Variants in TMT1A observed in about 807,000 individuals in gnomAD.
The protein encoded by TMT1A is thiol methyltransferase 1A.
chr12:50,929,889 G>GT, the TMT1A span: 72,849 of 1,018,964 alleles, frequency 0.071, no homozygotes, highest in South Asian at 0.087. Context: ...TCCTTGAAAT[G>GT]TTTTTTTTTT....
At chr12:50,925,022 T>C in the TMT1A span, 1 of 1,610,880 alleles carries the variant, frequency 6.2e-7, no homozygotes, top group Non-Finnish European at 8.5e-7. Flanking sequence ...TTGATCTGTT[T>C]TTTTCCCTTC....
chr12:50,929,864 G>A, the TMT1A span: 2 of 1,517,022 alleles, frequency 1.3e-6, no homozygotes, highest in South Asian at 2.4e-5. Context: ...AATTAAAAAA[G>A]CAGAAATGAA....
At chr12:50,925,048 A>G in the TMT1A span, 5 of 1,613,820 alleles carry the variant, frequency 3.1e-6, no homozygotes, top group South Asian at 3.3e-5. Flanking sequence ...AATGGAGCTT[A>G]CCATCTTTAT....
chr12:50,928,986 C>G, the TMT1A span, among the ~76,000 whole-genome samples: 1 of 152,152 alleles, frequency 6.6e-6, no homozygotes, highest in African/African-American at 2.4e-5. Context: ...GCCTGTAATC[C>G]CAGCACTTTG....
the TMT1A span, chr12:50,925,092 C>T: frequency 5.0e-6 from 8 of 1,614,084 alleles, no homozygotes; most frequent in African/African-American, 6.7e-5. Flanking sequence ...TGACATTTCC[C>T]TTGTACCTGC....
At chr12:50,930,044 A>G in the TMT1A span, 30 of 1,614,136 alleles carry the variant, frequency 1.9e-5, 1 homozygote, top group Admixed American at 4.8e-4. Flanking sequence ...GAGAGCTGGA[A>G]GGCCCTGGAG....
chr12:50,928,947 T>TA, the TMT1A span, among the ~76,000 whole-genome samples: 95 of 151,756 alleles, frequency 6.3e-4, no homozygotes, highest in South Asian at 1.0e-3. Context: ...AGATTTTTTT[T>TA]AAAATCAGGG....
chr12:50,929,877 A>G, the TMT1A span: 1 of 1,547,510 alleles, frequency 6.5e-7, no homozygotes, highest in Admixed American at 2.1e-5. Flanking sequence ...GAAATGAAAA[A>G]ATCCTTGAAA....
At chr12:50,927,166 T>A in the TMT1A span, among the ~76,000 whole-genome samples, 1 of 152,126 alleles carries the variant, frequency 6.6e-6, no homozygotes, top group African/African-American at 2.4e-5. Flanking sequence ...CAGCTGGGAC[T>A]ACAGGCATGC....
the TMT1A span, chr12:50,925,416 C>T: frequency 5.0e-6 from 8 of 1,614,022 alleles, no homozygotes; most frequent in African/African-American, 4.0e-5. Flanking sequence ...TGGTAGCTGC[C>T]GGGGAGAACA....
chr12:50,931,053 CTTA>C, the TMT1A span: 1 of 149,656 alleles, frequency 6.7e-6, no homozygotes, highest in Admixed American at 6.6e-5. Flanking sequence ...ATCCCCAAAT[CTTA>C]TTTTATTCAT....
chr12:50,930,275 T>A, the TMT1A span: 1 of 168,202 alleles, frequency 5.9e-6, no homozygotes, highest in Non-Finnish European at 1.1e-5. Context: ...TTGTTGTTGG[T>A]TTTTTTTTTT....
At chr12:50,931,230 AT>A in the TMT1A span, 1 of 148,412 alleles carries the variant, frequency 6.7e-6, no homozygotes, top group Non-Finnish European at 1.5e-5. Flanking sequence ...TCAGATTTTA[AT>A]TTTATCTTCT....
the TMT1A span, among the ~76,000 whole-genome samples, chr12:50,929,053 T>C: frequency 6.6e-6 from 1 of 151,462 alleles, no homozygotes; most frequent in Admixed American, 6.6e-5. Flanking sequence ...GCCTGGGCAA[T>C]GCGGCGAAAC....
the TMT1A span, chr12:50,925,654 T>A: frequency 8.1e-7 from 1 of 1,228,112 alleles, no homozygotes; most frequent in Admixed American, 2.9e-5. Flanking sequence ...TAGAAAATAC[T>A]GTAGAATTTT....
At chr12:50,930,279 T>G in the TMT1A span, 1 of 698,218 alleles carries the variant, frequency 1.4e-6, no homozygotes. Context: ...TGTTGGTTTT[T>G]TTTTTTTTTT....
At chr12:50,929,325 C>T in the TMT1A span, among the ~76,000 whole-genome samples, 1 of 152,162 alleles carries the variant, frequency 6.6e-6, no homozygotes, top group African/African-American at 2.4e-5. Context: ...TTTGGGGAAA[C>T]TCCATCACTA....
the TMT1A span, chr12:50,925,281 G>C: frequency 2.5e-6 from 4 of 1,614,074 alleles, no homozygotes; most frequent in African/African-American, 1.3e-5. Context: ...GCTGTGGCAC[G>C]GGGGCCAACT....
At chr12:50,929,612 A>C in the TMT1A span, among the ~76,000 whole-genome samples, 1 of 152,280 alleles carries the variant, frequency 6.6e-6, no homozygotes, top group Non-Finnish European at 1.5e-5. Flanking sequence ...TACATTTAGC[A>C]TCCACTGACT....
Sources: gnomAD v4.1 joint callset for allele counts (sites outside exome capture counted in the v4.1 genomes callset) on GRCh38, gnomAD v4.1.1 for gene constraint, MANE v1.5 for transcripts, NCBI Gene and HGNC (gene_info 2026-07-23, HGNC 2026-07-21) for gene names.